Variants in CYRIA observed in about 807,000 individuals in gnomAD.
The protein encoded by CYRIA is CYFIP related Rac1 interactor A.
Under a neutral mutation model 43.9 loss-of-function variants are expected in CYRIA, and 15 were observed. The ratio of observed to expected loss-of-function variants is 0.34; its 90% confidence interval spans 0.23 to 0.53. The LOEUF (loss-of-function observed/expected upper bound fraction) is 0.53, where lower values mean the gene tolerates loss of function less well. CYRIA is among the 20% of genes least tolerant of loss of function. The pLI, the probability that CYRIA is intolerant of heterozygous loss-of-function variation, is 0.94. For synonymous variants in CYRIA, 117 were observed against 136.0 expected (o/e 0.86, Z 0.97); for missense variants, 236 against 394.2 (o/e 0.60, Z 3.40).
intron 1 of CYRIA, among the ~76,000 whole-genome samples, chr2:16,647,998 T>A (rs374597768): frequency 6.6e-6 from 1 of 152,210 alleles, no homozygotes; most frequent in Non-Finnish European, 1.5e-5. Context: ...TCCCGGGCTG[T>A]AAACACTTTA....
Position 16,647,158 on chromosome 2 carries a change from A to G in CYRIA, c.-167+18622T>C, listed in dbSNP as rs887342715. On this transcript the variant is annotated intron_variant, in intron 1 of 11. Coordinates refer to ENST00000381323, the MANE Select transcript of CYRIA (RefSeq NM_030797.4). ...CATACCAGGTAACAGGGGATGTGTT[A>G]ATTTGCTCAAGCAATGAAACCATAT... Among the ~76,000 whole-genome samples the G allele has an allele frequency of 2.6e-5, 4 of 152,232 alleles. 1 individual carries two copies. Among genetic ancestry groups the G allele is most frequent in the South Asian group, 2.1e-4 (1 of 4,828 alleles).
chr2:16,651,835 A>C (rs911313943), intron 1 of CYRIA, among the ~76,000 whole-genome samples: 1 of 152,108 alleles, frequency 6.6e-6, no homozygotes, highest in African/African-American at 2.4e-5. Flanking sequence ...AGTTGAATGC[A>C]GGAAATTCCA....
intron 2 of CYRIA, among the ~76,000 whole-genome samples, chr2:16,591,171 C>T (rs547450526): frequency 1.3e-5 from 2 of 151,984 alleles, no homozygotes; most frequent in South Asian, 4.2e-4. Flanking sequence ...TTATCTCATT[C>T]AATAAAATAA....
At chr2:16,576,231 G>T (rs2103437496) in intron 3 of CYRIA, among the ~76,000 whole-genome samples, 1 of 152,280 alleles carries the variant, frequency 6.6e-6, no homozygotes, top group East Asian at 1.9e-4. Context: ...AGCATTTATT[G>T]GGTACTTGTT....
At position 16,650,512 on chromosome 2, in the gene CYRIA, C is replaced by A. The variant is rs1669945535; in HGVS notation, c.-167+15268G>T. On this transcript the variant is annotated intron_variant, in intron 1 of 11. Coordinates refer to ENST00000381323, the MANE Select transcript of CYRIA (RefSeq NM_030797.4). The surrounding 1 kb of genome is among the most constrained non-coding windows in gnomAD (Gnocchi z 4.1). ...GATGATGCAACAACAGACCAAGAGG[C>A]CTACAATAGAACAAATGCAGAACCT... is the stretch of plus-strand genomic sequence containing the variant. 6.6e-6 allele frequency among the ~76,000 whole-genome samples: 1 copy of A among 152,238 alleles called. No individual in the cohort carries two copies. The highest frequency in any genetic ancestry group is 1.5e-5 in the Non-Finnish European group (1 of 68,046).
intron 2 of CYRIA, among the ~76,000 whole-genome samples, chr2:16,620,969 C>T (rs745865203): frequency 1.3e-5 from 2 of 152,202 alleles, no homozygotes; most frequent in Non-Finnish European, 2.9e-5. Context: ...TGGTTCCACC[C>T]CTCAATCTGG....
chr2:16,556,040 G>C (rs996700937), intron 10 of CYRIA, among the ~76,000 whole-genome samples: 1 of 152,098 alleles, frequency 6.6e-6, no homozygotes, highest in African/African-American at 2.4e-5. Flanking sequence ...TGCATATCCT[G>C]GAGTGTTTTT....
chr2:16,577,063 A>G (rs747245310), intron 3 of CYRIA, among the ~76,000 whole-genome samples: 31 of 152,218 alleles, frequency 2.0e-4, no homozygotes, highest in Non-Finnish European at 1.5e-4. Flanking sequence ...TCCATTATGC[A>G]AGATAAATAA....
At chr2:16,557,049 G>C (rs1269955701) in intron 10 of CYRIA, among the ~76,000 whole-genome samples, 2 of 152,142 alleles carry the variant, frequency 1.3e-5, no homozygotes, top group African/African-American at 4.8e-5. Flanking sequence ...ATCTGAGATG[G>C]AGACAGGGGT....
chr2:16,659,405 T>C (rs2103557796), intron 1 of CYRIA, among the ~76,000 whole-genome samples: 1 of 152,360 alleles, frequency 6.6e-6, no homozygotes, highest in East Asian at 1.9e-4. Context: ...AATATCTGTT[T>C]CAAACGTTCT....
chr2:16,561,963 C>T (rs779532114), intron 6 of CYRIA, 42 bp downstream of exon 6: 1 of 1,583,440 alleles, frequency 6.3e-7, no homozygotes, highest in Non-Finnish European at 8.6e-7. Context: ...AGTAGGTACT[C>T]AGTACAAGTT....
intron 2 of CYRIA, among the ~76,000 whole-genome samples, chr2:16,608,037 C>A (rs1668470237): frequency 6.6e-6 from 1 of 152,202 alleles, no homozygotes; most frequent in South Asian, 2.1e-4. Flanking sequence ...CAGGGGCTAT[C>A]TCTGACTGGC....
intron 2 of CYRIA, among the ~76,000 whole-genome samples, chr2:16,604,476 A>G (rs545715992): frequency 2.0e-5 from 3 of 152,330 alleles, no homozygotes; most frequent in Non-Finnish European, 4.4e-5. Flanking sequence ...TAGTATTCAG[A>G]TGACTCAGAC....
At chr2:16,574,561 A>G (rs1196322728) in intron 3 of CYRIA, among the ~76,000 whole-genome samples, 1 of 152,224 alleles carries the variant, frequency 6.6e-6, no homozygotes, top group Non-Finnish European at 1.5e-5. Context: ...GGCCAGGCCC[A>G]TGGTCCCTCT....
chr2:16,575,616 G>A (rs1667306124), intron 3 of CYRIA, among the ~76,000 whole-genome samples: 1 of 152,106 alleles, frequency 6.6e-6, no homozygotes, highest in African/African-American at 2.4e-5. Context: ...AGCACTTTGG[G>A]AGGCCGAGGC....
chr2:16,568,246 A>C (rs1405825918), intron 3 of CYRIA, among the ~76,000 whole-genome samples: 3 of 151,662 alleles, frequency 2.0e-5, no homozygotes, highest in Middle Eastern at 3.4e-3. Flanking sequence ...AAAAAAAAAA[A>C]AAACCCAAAT....
chr2:16,572,215 C>T (rs1253470412), intron 3 of CYRIA, among the ~76,000 whole-genome samples: 1 of 152,128 alleles, frequency 6.6e-6, no homozygotes, highest in African/African-American at 2.4e-5. Flanking sequence ...CAGATTCATT[C>T]TTGTTAAAAG....
intron 1 of CYRIA, among the ~76,000 whole-genome samples, chr2:16,629,471 G>A (rs1206932990): frequency 6.6e-6 from 1 of 152,240 alleles, no homozygotes; most frequent in East Asian, 1.9e-4. Context: ...CAGGTAAAGT[G>A]CAGAGCTAAT....
intron 1 of CYRIA, among the ~76,000 whole-genome samples, chr2:16,652,812 A>G (rs911763711): frequency 6.6e-6 from 1 of 152,136 alleles, no homozygotes; most frequent in South Asian, 2.1e-4. Flanking sequence ...CTGGACTCCA[A>G]TTAACACTCT....
Sources: allele counts gnomAD v4.1 joint callset (sites outside exome capture counted in the v4.1 genomes callset), GRCh38; gene constraint gnomAD v4.1.1; non-coding constraint Gnocchi (gnomAD v3.1); transcripts MANE v1.5; gene names NCBI Gene and HGNC (gene_info 2026-07-23, HGNC 2026-07-21).